The following GPR26 variants were observed in gnomAD, a reference collection of about 807,000 sequenced individuals.
GPR26 encodes G protein-coupled receptor 26.
Under a neutral mutation model 23.1 loss-of-function variants are expected in GPR26, and 15 were observed. That is an observed-to-expected ratio of 0.65 (90% CI 0.43 to 1.00). GPR26 has a LOEUF of 1.00. Ranked by LOEUF, GPR26 falls within the 50% of genes least tolerant of loss-of-function variation. GPR26 has a pLI of 0.00. For synonymous variants in GPR26, 228 were observed against 222.1 expected (o/e 1.03, Z -0.24); for missense variants, 359 against 470.5 (o/e 0.76, Z 2.19).
rs1845486703 is a variant in GPR26 at position 123,691,125 on chromosome 10, T to C, written c.*2965T>C. On this transcript the variant is annotated 3_prime_UTR_variant, in exon 3 of 3. Coordinates refer to ENST00000284674, the MANE Select transcript of GPR26 (RefSeq NM_153442.4). ...ACGCTGCAACTATTCCGGCTTTTTA[T>C]ATGGCACCTTTCTGAGGGAGGGGAT... The C allele has an allele frequency of 6.6e-6, 1 of 152,206 alleles. No homozygotes were observed. Among genetic ancestry groups the C allele is most frequent in the Non-Finnish European group, 1.5e-5 (1 of 68,028 alleles). The allele number at this position is 152,206 out of a possible 1,614,324, so 9.4% of individuals were successfully genotyped here.
intron 2 of GPR26, among the ~76,000 whole-genome samples, chr10:123,686,951 A>T (rs1748040424): frequency 6.6e-6 from 1 of 152,136 alleles, no homozygotes; most frequent in Non-Finnish European, 1.5e-5. Flanking sequence ...TTTCATGTTA[A>T]TGCTGGATAA....
At position 123,690,883 on chromosome 10, in the gene GPR26, T is replaced by G. The variant is rs1404759565; in HGVS notation, c.*2723T>G. ...GGTATAACACATAGAAACACCAAGA[T>G]TTTCAGCATCTGAATCAAACTAAAA... is the stretch of plus-strand genomic sequence containing the variant. On this transcript the variant is annotated 3_prime_UTR_variant, in exon 3 of 3. Transcript: ENST00000284674. The G allele has an allele frequency of 6.6e-6, 1 of 152,210 alleles. No homozygotes were observed. The highest frequency in any genetic ancestry group is 2.4e-5 in the African/African-American group (1 of 41,456). 9.4% of individuals were successfully genotyped at this position (152,210 alleles called of 1,614,324 possible). A position where few individuals can be genotyped will look rare whatever the true frequency, so the allele number is the denominator to read the frequency against.
intron 1 of GPR26, among the ~76,000 whole-genome samples, chr10:123,671,822 C>T (rs148933915): frequency 5.9e-5 from 9 of 152,278 alleles, no homozygotes; most frequent in African/African-American, 2.2e-4. Flanking sequence ...GTAAACTTCC[C>T]AGTCCTCAGT....
rs1279841633 is a variant in GPR26 at position 123,694,641 on chromosome 10, G to T, written c.*6481G>T. The stretch of plus-strand genomic sequence containing the variant: ...GGAAAAACAAAGGAAGGAGAAAAAG[G>T]GAAGGAAAGAAGAAAGGAAGGAAAA... On this transcript the variant is annotated 3_prime_UTR_variant, in exon 3 of 3. Transcript: ENST00000284674. 6.6e-6 allele frequency: 1 copy of T among 151,328 alleles called. No individual in the cohort carries two copies. The highest frequency in any genetic ancestry group is 1.5e-5 in the Non-Finnish European group (1 of 67,854). The allele number at this position is 151,328 out of a possible 1,614,324, so 9.4% of individuals were successfully genotyped here. A position where few individuals can be genotyped will look rare whatever the true frequency, so the allele number is the denominator to read the frequency against.
intron 2 of GPR26, among the ~76,000 whole-genome samples, chr10:123,678,510 A>G (rs1488217759): frequency 2.0e-5 from 3 of 152,210 alleles, no homozygotes; most frequent in Non-Finnish European, 4.4e-5. Flanking sequence ...GGGAGGAGAC[A>G]TCAGACCCTG....
rs1365960814 is a variant in GPR26 at position 123,690,695 on chromosome 10, T to TAGC, written c.*2537_*2539dup. ...GAAAGTGAGAAGAAAATTAATGTAT[T>TAGC]AGCAACCAGTGTTAGCCAACTCTGC... On this transcript the variant is annotated 3_prime_UTR_variant, in exon 3 of 3. Coordinates refer to ENST00000284674, the MANE Select transcript of GPR26 (RefSeq NM_153442.4). 1 of 152,238 alleles carries TAGC rather than the reference T, an allele frequency of 6.6e-6. No individual in the cohort carries two copies. Among genetic ancestry groups the TAGC allele is most frequent in the Non-Finnish European group, 1.5e-5 (1 of 68,044 alleles). 9.4% of individuals were successfully genotyped at this position (152,238 alleles called of 1,614,324 possible).
intron 1 of GPR26, among the ~76,000 whole-genome samples, chr10:123,668,013 G>C (rs1021946515): frequency 4.6e-5 from 7 of 152,174 alleles, no homozygotes; most frequent in Non-Finnish European, 1.0e-4. Flanking sequence ...GGGAAGGCAG[G>C]CTCCCTGCTC....
chr10:123,689,940 T>A lies in GPR26; in HGVS notation c.*1780T>A, dbSNP rs1290478513. 1 of 152,140 alleles carries A rather than the reference T, an allele frequency of 6.6e-6. No homozygotes were observed. Among genetic ancestry groups the A allele is most frequent in the Non-Finnish European group, 1.5e-5 (1 of 68,030 alleles). 9.4% of individuals were successfully genotyped at this position (152,140 alleles called of 1,614,324 possible). On this transcript the variant is annotated 3_prime_UTR_variant, in exon 3 of 3. Transcript: ENST00000284674. ...GCCAATGGGGCACAATCCTTCCCAA[T>A]TTCATGATCTGGGGCATCATGTCGG...
chr10:123,675,515 C>G (rs949265621), intron 2 of GPR26, among the ~76,000 whole-genome samples: 1 of 152,148 alleles, frequency 6.6e-6, no homozygotes, highest in African/African-American at 2.4e-5. Flanking sequence ...TCCAGATCCT[C>G]GAGCCAGCCA....
At chr10:123,675,637 A>G (rs1444403220) in intron 2 of GPR26, among the ~76,000 whole-genome samples, 1 of 152,200 alleles carries the variant, frequency 6.6e-6, no homozygotes, top group East Asian at 1.9e-4. Context: ...TTACTCAATC[A>G]GTTTTGTGCA....
rs1003136068 is a variant in GPR26 at position 123,694,728 on chromosome 10, C to G, written c.*6568C>G. 6.6e-6 allele frequency: 1 copy of G among 152,484 alleles called. No individual in the cohort carries two copies. Among genetic ancestry groups the G allele is most frequent in the Non-Finnish European group, 1.5e-5 (1 of 68,104 alleles). 9.4% of individuals were successfully genotyped at this position (152,484 alleles called of 1,614,324 possible). On this transcript the variant is annotated 3_prime_UTR_variant, in exon 3 of 3. Coordinates refer to ENST00000284674, the MANE Select transcript of GPR26 (RefSeq NM_153442.4). ...AGGAAGGAAGGAGTCCTAGCCACTTCTTTCTCCTGATGCAGATTCCCTAGG... is the reference window on the plus strand; with the variant it reads ...AGGAAGGAAGGAGTCCTAGCCACTTGTTTCTCCTGATGCAGATTCCCTAGG...
chr10:123,677,470 G>A (rs998400381), intron 2 of GPR26, among the ~76,000 whole-genome samples: 1 of 152,162 alleles, frequency 6.6e-6, no homozygotes, highest in African/African-American at 2.4e-5. Context: ...GCTTTCTCAT[G>A]TGTGTGGAGG....
chr10:123,666,841 C>G lies in GPR26; in HGVS notation c.434C>G (p.Ser145Cys). 11 of 1,610,744 alleles carry G rather than the reference C, an allele frequency of 6.8e-6. No individual in the cohort carries two copies. Among genetic ancestry groups the G allele is most frequent in the Non-Finnish European group, 9.3e-6 (11 of 1,178,796 alleles). Residue 145 changes from serine to cysteine, a missense_variant, in exon 1 of 3, where the codon TCC becomes TGC. Transcript: ENST00000284674. ...TTCCCAGCCGCCGCGCTCGCCCTGTCCTGGCTCGGCTTCCACCAGCTGTAC... is the reference window on the plus strand; with the variant it reads ...TTCCCAGCCGCCGCGCTCGCCCTGTGCTGGCTCGGCTTCCACCAGCTGTAC... ...LTFPAAALALSWLGFHQLYAS... is the reference protein window; with the variant it reads ...LTFPAAALALCWLGFHQLYAS...
At position 123,696,885 on chromosome 10, in the gene GPR26, A is replaced by T. The variant is rs1278542102; in HGVS notation, c.*8725A>T. On this transcript the variant is annotated 3_prime_UTR_variant, in exon 3 of 3. Coordinates refer to ENST00000284674, the MANE Select transcript of GPR26 (RefSeq NM_153442.4). ...TGAATGTTTGTGTGCCCATGAGTAT[A>T]TGCATACGGGTGAATGTTTGTGTGC... Among the ~76,000 whole-genome samples, 3 of 144,792 alleles carry T rather than the reference A, an allele frequency of 2.1e-5. No individual in the cohort carries two copies. In the East Asian group the frequency reaches 5.8e-4, roughly 28 times the overall value. The allele number at this position is 144,792 out of a possible 152,430, so 95.0% of individuals were successfully genotyped here.
At chr10:123,675,010 T>A (rs1589925257) in intron 2 of GPR26, 79 bp downstream of exon 2, 1 of 839,298 alleles carries the variant, frequency 1.2e-6, no homozygotes, top group East Asian at 2.6e-5. Context: ...TGGCAGCCTC[T>A]CTTGGCCACA....
intron 2 of GPR26, among the ~76,000 whole-genome samples, chr10:123,679,645 T>G (rs1845347405): frequency 6.6e-6 from 1 of 151,986 alleles, no homozygotes; most frequent in South Asian, 2.1e-4. Flanking sequence ...TGCCCAGAGC[T>G]ATGCATCTAG....
In GPR26 at chr10:123,693,635, C is replaced by T. The variant is rs1845512459; in HGVS notation, c.*5475C>T. The T allele has an allele frequency of 6.6e-6, 1 of 152,312 alleles. No individual in the cohort carries two copies. Among genetic ancestry groups the T allele is most frequent in the Non-Finnish European group, 1.5e-5 (1 of 68,124 alleles). The allele number at this position is 152,312 out of a possible 1,614,324, so 9.4% of individuals were successfully genotyped here. Reference sequence around the variant, plus strand: ...TTAGCCCCCAAAAAGTTAGTCCAACCCCAGGCCAGCTGCCTTTGCTCTGCT... The same window carrying T: ...TTAGCCCCCAAAAAGTTAGTCCAACTCCAGGCCAGCTGCCTTTGCTCTGCT... On this transcript the variant is annotated 3_prime_UTR_variant, in exon 3 of 3. Coordinates refer to ENST00000284674, the MANE Select transcript of GPR26 (RefSeq NM_153442.4).
In GPR26 at chr10:123,688,071, C is replaced by T; in HGVS notation, c.925C>T (p.Leu309=). 6.2e-7 allele frequency: 1 copy of T among 1,614,000 alleles called. No homozygotes were observed. Among genetic ancestry groups the T allele is most frequent in the Non-Finnish European group, 8.5e-7 (1 of 1,179,918 alleles). ...GTACCGCAAAAGCTGCAAGGAGATT[C>T]TGAACAGGCTCCTGCACAGACGCTC... ...HQYRKSCKEI[L]NRLLHRRSIH... is the part of the protein sequence containing the mutation. The change falls in exon 3 of 3, where the codon CTG becomes TTG. Residue 309 remains leucine (L), a synonymous_variant. Transcript: ENST00000284674.
At chr10:123,684,609 G>A (rs577415085) in intron 2 of GPR26, among the ~76,000 whole-genome samples, 1 of 152,332 alleles carries the variant, frequency 6.6e-6, no homozygotes, top group African/African-American at 2.4e-5. Context: ...AGCTCCTGGT[G>A]GTTTGCTGGC....
Sources: allele counts gnomAD v4.1 joint callset (sites outside exome capture counted in the v4.1 genomes callset), GRCh38; gene constraint gnomAD v4.1.1; transcripts MANE v1.5; gene names NCBI Gene and HGNC (gene_info 2026-07-23, HGNC 2026-07-21).